The following CDKL3 variants were observed in gnomAD, a reference collection of about 807,000 sequenced individuals.
The protein encoded by CDKL3 is cyclin dependent kinase like 3.
Under a neutral mutation model 69.3 loss-of-function variants are expected in CDKL3, and 65 were observed. The observed-to-expected ratio is 0.94, with a 90% CI of 0.77 to 1.15. The LOEUF is 1.15. Among genes scored for constraint, CDKL3 ranks in the 50% most tolerant of loss-of-function variants. The pLI, the probability that CDKL3 is intolerant of heterozygous loss-of-function variation, is 0.00. For synonymous variants in CDKL3, 202 were observed against 221.6 expected, an observed-to-expected ratio of 0.91 and a Z score of 0.79; for missense variants, 652 against 689.2, an observed-to-expected ratio of 0.95 and a Z score of 0.61.
intron 7 of CDKL3, among the ~76,000 whole-genome samples, chr5:134,309,761 A>G (rs1768892147): frequency 6.6e-6 from 1 of 152,224 alleles, no homozygotes; most frequent in South Asian, 2.1e-4. Flanking sequence ...TAGAAGCCTA[A>G]TATCTAAATG....
chr5:134,285,992 C>T (rs1236124640), downstream of CDKL3, among the ~76,000 whole-genome samples: 1 of 152,188 alleles, frequency 6.6e-6, no homozygotes, highest in Non-Finnish European at 1.5e-5. Flanking sequence ...TGTGGTGGCA[C>T]ATGCCTATAG....
At chr5:134,317,755 C>T (rs1218606079) in intron 6 of CDKL3, among the ~76,000 whole-genome samples, 1 of 152,020 alleles carries the variant, frequency 6.6e-6, no homozygotes, top group African/African-American at 2.4e-5. Context: ...GGAGAAACTC[C>T]ATCTCTACAA....
At position 134,359,894 on chromosome 5, in the gene CDKL3, T is replaced by C. The variant is rs1755596592; in HGVS notation, c.360+3A>G. The C allele has an allele frequency of 8.3e-6, 13 of 1,566,924 alleles. No homozygotes were observed. The highest frequency in any genetic ancestry group is 4.8e-5 in the South Asian group (4 of 83,230). ...ACAAATTGGCTTATTCTGAAGCACT[T>C]ACATTATTACTGTGAAGATAGTCAA... On this transcript the variant is annotated splice_donor_region_variant and intron_variant, in intron 3 of 12. Transcript: ENST00000265334.
chr5:134,351,682 A>T (rs1027368720), intron 3 of CDKL3, among the ~76,000 whole-genome samples: 1 of 152,142 alleles, frequency 6.6e-6, no homozygotes, highest in Non-Finnish European at 1.5e-5. Context: ...GCTGATCATG[A>T]GTGCTGGGCT....
intron 6 of CDKL3, among the ~76,000 whole-genome samples, chr5:134,315,729 T>C (rs1401207296): frequency 1.3e-5 from 2 of 152,154 alleles, no homozygotes; most frequent in Admixed American, 1.3e-4. Context: ...TTAAAAAAGA[T>C]ACCTCCCAGC....
At chr5:134,328,686 A>G (rs942630116) in intron 4 of CDKL3, among the ~76,000 whole-genome samples, 15 of 152,188 alleles carry the variant, frequency 9.9e-5, no homozygotes, top group African/African-American at 3.6e-4. Context: ...ACAAACTCCA[A>G]GAACAATAAG....
rs1181590997 is a variant in CDKL3, at chr5:134,319,396, AT to A, written c.753del (p.Lys251AsnfsTer12). ...QVQHPKNARK[K>X]YPKLNGLLAD... Reference sequence around the variant, plus strand: ...GCCAACAATCCATTAAGCTTTGGATATTTTTTTCTTGCATTTTTGGGGTGTT... The same window carrying A: ...GCCAACAATCCATTAAGCTTTGGATATTTTTTCTTGCATTTTTGGGGTGTT... On this transcript the variant is annotated frameshift_variant, in exon 6 of 13. Transcript: ENST00000265334. LOFTEE classifies it high-confidence loss of function. The A allele has an allele frequency of 2.0e-5, 31 of 1,535,678 alleles. No homozygotes were observed. Among genetic ancestry groups the A allele is most frequent in the East Asian group, 9.8e-5 (4 of 40,658 alleles).
chr5:134,321,927 A>AT, intron 4 of CDKL3, 24 bp from the exon 5 acceptor site: 1 of 1,327,926 alleles, frequency 7.5e-7, no homozygotes, highest in Non-Finnish European at 1.1e-6. Flanking sequence ...GGGAAAAAAA[A>AT]ATCACTTTTT....
In CDKL3 at chr5:134,359,944, A is replaced by AT; in HGVS notation, c.312dup (p.Tyr105IlefsTer10). On this transcript the variant is annotated frameshift_variant, in exon 3 of 13. Coordinates refer to ENST00000265334, the MANE Select transcript of CDKL3 (RefSeq NM_001113575.2). LOFTEE classifies it high-confidence loss of function. ...ATTGCTCGAAGGATCTGGAAGAGGT[A>AT]TTTTCTAAGTCGCTTACTCTCTAGT... 1 of 1,588,162 alleles carries AT rather than the reference A, an allele frequency of 6.3e-7. No homozygotes were observed. The highest frequency in any genetic ancestry group is 1.2e-5 in the South Asian group (1 of 86,688).
Position 134,366,446 on chromosome 5 carries a change from A to G in CDKL3, c.78T>C (p.Thr26=). 6.2e-7 allele frequency: 1 copy of G among 1,608,512 alleles called. No homozygotes were observed. Among genetic ancestry groups the G allele is most frequent in the South Asian group, 1.1e-5 (1 of 89,698 alleles). Residue 26 remains threonine (T), a synonymous_variant, in exon 2 of 13, where the codon ACT becomes ACC. Transcript: ENST00000265334. ...GTVMKCKHKN[T]GQIVAIKIFY... Reference sequence around the variant, plus strand: ...ATATCTTAATGGCCACTATCTGCCCAGTATTCTTATGTTTACATTTCATGA... The same window carrying G: ...ATATCTTAATGGCCACTATCTGCCCGGTATTCTTATGTTTACATTTCATGA...
chr5:134,301,888 A>AAAACAAAC (rs113592653), intron 12 of CDKL3, among the ~76,000 whole-genome samples: 741 of 151,552 alleles, frequency 4.9e-3, no homozygotes, highest in African/African-American at 0.017. Context: ...CTCCGTCTCA[A>AAAACAAAC]AAACAAACAA....
chr5:134,287,128 A>G (rs1349501300), intron 8 of CDKL3, among the ~76,000 whole-genome samples: 4 of 152,186 alleles, frequency 2.6e-5, no homozygotes, highest in Non-Finnish European at 5.9e-5. Flanking sequence ...ATTAAGAAGA[A>G]AATGATGACA....
intron 4 of CDKL3, among the ~76,000 whole-genome samples, chr5:134,342,890 G>T (rs899833929): frequency 4.6e-5 from 7 of 152,124 alleles, no homozygotes; most frequent in African/African-American, 1.7e-4. Context: ...TTTCAAACTT[G>T]CTACAAAGCA....
At position 134,321,900 on chromosome 5, in the gene CDKL3, A is replaced by C. The variant is rs375117939; in HGVS notation, c.543T>G (p.Pro181=). 25 of 1,575,268 alleles carry C rather than the reference A, an allele frequency of 1.6e-5. No individual in the cohort carries two copies. The highest frequency in any genetic ancestry group is 2.0e-5 in the Non-Finnish European group (23 of 1,147,262). Residue 181 remains proline (P), a synonymous_variant, in exon 5 of 13, where the codon CCT becomes CCG. Transcript: ENST00000265334. ...LVLKDTSYGK[P]VDIWALGCMI... ...TACAGCCCAAAGCCCAGATATCCAC[A>C]GGTCTGAAACAGATCAGGGAAAAAA...
chr5:134,371,179 C>G, upstream of CDKL3: 1 of 275,854 alleles, frequency 3.6e-6, no homozygotes, highest in Non-Finnish European at 7.1e-6. Context: ...GGCCCGGATG[C>G]GTCCCTCTTT....
chr5:134,348,301 A>G (rs998198436), intron 4 of CDKL3, among the ~76,000 whole-genome samples: 2 of 152,228 alleles, frequency 1.3e-5, no homozygotes, highest in African/African-American at 4.8e-5. Context: ...GCATGTTACA[A>G]CTGCAGTAGG....
chr5:134,371,473 T>C (rs1467244886), upstream of CDKL3: 5 of 1,143,788 alleles, frequency 4.4e-6, no homozygotes, highest in Non-Finnish European at 6.1e-6. Flanking sequence ...TTTGTCAGTC[T>C]CGGCGGCGGC....
chr5:134,356,239 C>G (rs1247113170), intron 3 of CDKL3, among the ~76,000 whole-genome samples: 1 of 152,124 alleles, frequency 6.6e-6, no homozygotes, highest in Non-Finnish European at 1.5e-5. Context: ...GAGTAGGGTT[C>G]GCACTCCTAT....
At chr5:134,358,329 C>T (rs1372810910) in intron 3 of CDKL3, among the ~76,000 whole-genome samples, 3 of 152,164 alleles carry the variant, frequency 2.0e-5, no homozygotes, top group Non-Finnish European at 4.4e-5. Flanking sequence ...TCCTCTACTC[C>T]AACAAAATCC....
Sources: allele counts gnomAD v4.1 joint callset (sites outside exome capture counted in the v4.1 genomes callset), GRCh38; gene constraint gnomAD v4.1.1; transcripts MANE v1.5; gene names NCBI Gene and HGNC (gene_info 2026-07-23, HGNC 2026-07-21).